Variants in MANBA observed in about 807,000 individuals in gnomAD.
MANBA encodes the protein mannosidase beta.
Under a neutral mutation model 111.1 loss-of-function variants are expected in MANBA, and 83 were observed. The observed-to-expected ratio is 0.75, with a 90% confidence interval of 0.63 to 0.90. The LOEUF (loss-of-function observed/expected upper bound fraction) is 0.90, where lower values mean the gene tolerates loss of function less well. MANBA is among the 40% of genes least tolerant of loss of function. The probability of loss-of-function intolerance (pLI) is 0.00; values close to 1 mark genes in which losing one functional copy is unlikely to be tolerated. For missense variants in MANBA, 1,036 were observed against 1,069.0 expected, an observed-to-expected ratio of 0.97 and a Z score of 0.43; for synonymous variants, 370 against 378.7, an observed-to-expected ratio of 0.98 and a Z score of 0.27.
At chr4:102,713,184 A>G (rs1018948701) in intron 5 of MANBA, among the ~76,000 whole-genome samples, 1 of 152,204 alleles carries the variant, frequency 6.6e-6, no homozygotes, top group African/African-American at 2.4e-5. Context: ...GGCTCTCAAG[A>G]TAACAGAACT....
chr4:102,691,959 C>T (rs1045013197), intron 5 of MANBA, among the ~76,000 whole-genome samples: 1 of 152,142 alleles, frequency 6.6e-6, no homozygotes, highest in Non-Finnish European at 1.5e-5. Flanking sequence ...AAACAAGGAA[C>T]TTGGGCAATA....
chr4:102,658,271 G>A (rs1730664794), intron 11 of MANBA, among the ~76,000 whole-genome samples: 1 of 152,078 alleles, frequency 6.6e-6, no homozygotes, highest in African/African-American at 2.4e-5. Context: ...TGGGGTTGGG[G>A]GTGTCTTATG....
At chr4:102,653,926 G>A (rs1730449703) in intron 12 of MANBA, among the ~76,000 whole-genome samples, 1 of 152,054 alleles carries the variant, frequency 6.6e-6, no homozygotes, top group African/African-American at 2.4e-5. Context: ...TGGGAAGGAA[G>A]GAATGAAGGA....
chr4:102,750,528 G>A (rs1443251553), intron 1 of MANBA, among the ~76,000 whole-genome samples: 1 of 152,050 alleles, frequency 6.6e-6, no homozygotes, highest in African/African-American at 2.4e-5. Context: ...TGGTTCTGTG[G>A]TTATGTTGAA....
At chr4:102,648,179 T>TA (rs1323082374) in intron 13 of MANBA, among the ~76,000 whole-genome samples, 2 of 151,930 alleles carry the variant, frequency 1.3e-5, no homozygotes, top group African/African-American at 2.4e-5. Context: ...GGCAGTTTCT[T>TA]AAAAAAAATA....
Position 102,726,505 on chromosome 4 carries a change from C to A in MANBA, c.272+84G>T, listed in dbSNP as rs530973255. The stretch of plus-strand genomic sequence containing the variant: ...CAAAACATACAAAACAAAAAAAAAA[C>A]AAACAAAACACAACATTTTTGCCCA... On this transcript the variant is annotated intron_variant, in intron 2 of 16. Coordinates refer to ENST00000647097, the MANE Select transcript of MANBA (RefSeq NM_005908.4). The A allele has an allele frequency of 3.4e-3, 2,507 of 740,570 alleles. 16 individuals carry two copies. Among genetic ancestry groups the A allele is most frequent in the Middle Eastern group, 0.012 (50 of 4,084 alleles). 45.9% of individuals were successfully genotyped at this position (740,570 alleles called of 1,614,324 possible).
chr4:102,729,004 G>GGT, intron 1 of MANBA: 4 of 964,244 alleles, frequency 4.1e-6, no homozygotes, highest in Non-Finnish European at 6.7e-6. Flanking sequence ...GCTTCCTGTA[G>GGT]GTGGCTATCT....
intron 7 of MANBA, among the ~76,000 whole-genome samples, chr4:102,688,386 T>TACACAC (rs70937563): frequency 0.05 from 7,018 of 140,326 alleles, 234 homozygotes; most frequent in East Asian, 0.17. Flanking sequence ...CCTCCCCCCT[T>TACACAC]ACACACACAC....
intron 1 of MANBA, among the ~76,000 whole-genome samples, chr4:102,740,118 A>C (rs1448194330): frequency 2.0e-5 from 3 of 152,252 alleles, no homozygotes; most frequent in Admixed American, 2.0e-4. Context: ...ATCAACGTAC[A>C]CAAATCAGTA....
At chr4:102,679,913 T>C (rs1236909876) in intron 7 of MANBA, among the ~76,000 whole-genome samples, 1 of 151,686 alleles carries the variant, frequency 6.6e-6, no homozygotes, top group Non-Finnish European at 1.5e-5. Context: ...AATTTACAAA[T>C]GCCTCTGAGG....
chr4:102,723,492 A>C (rs574765587), intron 3 of MANBA, among the ~76,000 whole-genome samples: 1 of 152,356 alleles, frequency 6.6e-6, no homozygotes, highest in East Asian at 1.9e-4. Context: ...AAAGGAAAGG[A>C]AGATCAGCAT....
intron 9 of MANBA, chr4:102,670,873 A>G (rs1731463960): frequency 6.4e-6 from 1 of 156,842 alleles, no homozygotes; most frequent in African/African-American, 2.4e-5. Context: ...CAAATTAAAA[A>G]TAAAAAATTA....
At chr4:102,647,081 G>C (rs1481776734) in intron 13 of MANBA, among the ~76,000 whole-genome samples, 2 of 151,346 alleles carry the variant, frequency 1.3e-5, no homozygotes, top group Admixed American at 1.3e-4. Flanking sequence ...AACAGAGAAG[G>C]GTTTTATTTC....
intron 5 of MANBA, among the ~76,000 whole-genome samples, chr4:102,691,906 C>T (rs1451768793): frequency 6.6e-6 from 1 of 152,130 alleles, no homozygotes; most frequent in Non-Finnish European, 1.5e-5. Context: ...CACAGAGAAG[C>T]ATGTGAAGGC....
intron 10 of MANBA, chr4:102,666,151 G>A (rs555723474): frequency 6.6e-6 from 1 of 152,324 alleles, no homozygotes; most frequent in South Asian, 2.1e-4. Flanking sequence ...CAACCCTCAA[G>A]CTGACTTAGA....
At chr4:102,656,621 T>C (rs1730568496) in intron 12 of MANBA, among the ~76,000 whole-genome samples, 1 of 152,104 alleles carries the variant, frequency 6.6e-6, no homozygotes, top group Non-Finnish European at 1.5e-5. Flanking sequence ...ACACAAAACA[T>C]GTACACAAAT....
chr4:102,657,007 CT>C (rs1730584743), intron 12 of MANBA, among the ~76,000 whole-genome samples: 1 of 152,040 alleles, frequency 6.6e-6, no homozygotes, highest in African/African-American at 2.4e-5. Context: ...AATTGTGGTG[CT>C]GGCTGCACAT....
intron 12 of MANBA, among the ~76,000 whole-genome samples, chr4:102,654,063 A>G (rs922079395): frequency 1.3e-5 from 2 of 152,200 alleles, no homozygotes; most frequent in Non-Finnish European, 2.9e-5. Context: ...TGGGAGATCT[A>G]TCTGTGACCT....
At chr4:102,672,948 T>A (rs1266498163) in intron 8 of MANBA, among the ~76,000 whole-genome samples, 5 of 152,218 alleles carry the variant, frequency 3.3e-5, no homozygotes, top group African/African-American at 1.2e-4. Flanking sequence ...CCACTCTTTT[T>A]TGCTTTTGTG....
Sources: gnomAD v4.1 joint callset for allele counts (sites outside exome capture counted in the v4.1 genomes callset) on GRCh38, gnomAD v4.1.1 for gene constraint, MANE v1.5 for transcripts, NCBI Gene and HGNC (gene_info 2026-07-23, HGNC 2026-07-21) for gene names.